The following TNFAIP8 variants were observed in gnomAD, a reference collection of about 807,000 sequenced individuals.
The protein encoded by TNFAIP8 is tumor necrosis factor alpha-induced protein 8.
In TNFAIP8, 7 loss-of-function variants were observed where a neutral mutation model predicts 13.3. The observed-to-expected ratio is 0.52, with a 90% CI of 0.30 to 0.99. The LOEUF (loss-of-function observed/expected upper bound fraction) is 0.99. TNFAIP8 is among the 50% of genes least tolerant of loss of function. The pLI is 0.07. For synonymous variants in TNFAIP8, 94 were observed against 87.6 expected (o/e 1.07, Z -0.41); for missense variants, 258 against 236.9 (o/e 1.09, Z -0.58).
upstream of TNFAIP8, among the ~76,000 whole-genome samples, chr5:119,351,028 GTGTGTGT>G (rs1202767409): frequency 1.1e-4 from 15 of 135,522 alleles, no homozygotes; most frequent in African/African-American, 3.0e-4. Context: ...GTGTGTGTGT[GTGTGTGT>G]AGAGAGAGAG....
intron 1 of TNFAIP8, among the ~76,000 whole-genome samples, chr5:119,367,885 T>C (rs1456693243): frequency 6.6e-6 from 1 of 152,222 alleles, no homozygotes; most frequent in Non-Finnish European, 1.5e-5. Context: ...ATTATATAGA[T>C]TGAAATTTAT....
chr5:119,276,815 A>T (rs1002096213), intron 1 of TNFAIP8, among the ~76,000 whole-genome samples: 1 of 152,180 alleles, frequency 6.6e-6, no homozygotes, highest in Non-Finnish European at 1.5e-5. Context: ...CAGTATATGA[A>T]TTTGGGTGGT....
At chr5:119,299,955 C>T (rs752598282) in intron 1 of TNFAIP8, among the ~76,000 whole-genome samples, 3 of 152,226 alleles carry the variant, frequency 2.0e-5, no homozygotes, top group Admixed American at 6.5e-5. Context: ...TTTTTAGGCC[C>T]GTCGGAAAAG....
At chr5:119,335,096 A>G (rs577357138) in intron 1 of TNFAIP8, among the ~76,000 whole-genome samples, 1 of 152,236 alleles carries the variant, frequency 6.6e-6, no homozygotes, top group South Asian at 2.1e-4. Context: ...AGTGGCGCGT[A>G]GGAGCTTGTC....
intron 1 of TNFAIP8, among the ~76,000 whole-genome samples, chr5:119,350,826 C>CCT (rs373811727): frequency 5.9e-5 from 9 of 152,250 alleles, no homozygotes; most frequent in African/African-American, 2.2e-4. Flanking sequence ...TTTCTCCTTC[C>CCT]CTCATCTCCA....
At chr5:119,274,534 C>G (rs1264184662) in intron 1 of TNFAIP8, among the ~76,000 whole-genome samples, 9 of 152,218 alleles carry the variant, frequency 5.9e-5, no homozygotes, top group Admixed American at 5.9e-4. Flanking sequence ...CTCAGGCCTT[C>G]CCAACATCCG....
exon 1 of TNFAIP8, chr5:119,268,810 C>G: frequency 1.4e-6 from 1 of 698,410 alleles, no homozygotes. Context: ...CTAAGGTCCG[C>G]GGGAACCCGT....
intron 1 of TNFAIP8, among the ~76,000 whole-genome samples, chr5:119,343,894 G>A (rs73790816): frequency 2.6e-4 from 40 of 152,296 alleles, no homozygotes; most frequent in African/African-American, 9.4e-4. Context: ...TTCATCATAA[G>A]GTTTGTCTCA....
intron 1 of TNFAIP8, among the ~76,000 whole-genome samples, chr5:119,347,955 AC>A (rs1215274029): frequency 6.6e-6 from 1 of 152,234 alleles, no homozygotes; most frequent in Non-Finnish European, 1.5e-5. Context: ...TAGATCTCAG[AC>A]CAGGAGTCTG....
At chr5:119,311,931 T>C (rs1252577301) in intron 1 of TNFAIP8, among the ~76,000 whole-genome samples, 1 of 152,156 alleles carries the variant, frequency 6.6e-6, no homozygotes, top group African/African-American at 2.4e-5. Context: ...TAACCAAACC[T>C]AGTTTAACTA....
chr5:119,377,464 A>C (rs928259490), intron 1 of TNFAIP8, among the ~76,000 whole-genome samples: 2 of 152,142 alleles, frequency 1.3e-5, no homozygotes, highest in African/African-American at 4.8e-5. Context: ...TGAATGGGGG[A>C]AAGTTTTTCT....
chr5:119,327,665 G>C (rs963617519), intron 1 of TNFAIP8, among the ~76,000 whole-genome samples: 2 of 152,066 alleles, frequency 1.3e-5, no homozygotes, highest in African/African-American at 4.8e-5. Flanking sequence ...CACCATGTTG[G>C]CCAGGCTGGT....
At chr5:119,373,575 A>C (rs138058227) in intron 1 of TNFAIP8, among the ~76,000 whole-genome samples, 18 of 152,294 alleles carry the variant, frequency 1.2e-4, no homozygotes, top group Non-Finnish European at 2.4e-4. Flanking sequence ...TACATATTAC[A>C]TGGGGGTTAG....
rs1753099466 is a variant in TNFAIP8, at chr5:119,397,333, A to G, written c.*3952A>G. The G allele has an allele frequency of 6.6e-6, 1 of 152,244 alleles. No individual in the cohort carries two copies. The highest frequency in any genetic ancestry group is 1.5e-5 in the Non-Finnish European group (1 of 68,042). The allele number at this position is 152,244 out of a possible 1,614,324, so 9.4% of individuals were successfully genotyped here. A position where few individuals can be genotyped will look rare whatever the true frequency, so the allele number is the denominator to read the frequency against. On this transcript the variant is annotated 3_prime_UTR_variant, in exon 2 of 2. Transcript: ENST00000504771. ...AAAGAATATGTTTATCCAAATGATGAAATATTTGTAGTAAAAAGTGCTATT... is the reference window on the plus strand; with the variant it reads ...AAAGAATATGTTTATCCAAATGATGGAATATTTGTAGTAAAAAGTGCTATT...
rs1011023914 is a variant in TNFAIP8 at position 119,394,095 on chromosome 5, C to T, written c.*714C>T. ...GTGTGTCATTGCCTTGAAATGCTTG[C>T]TTAGGGCTTCTTTTATGTTATCTTA... is the stretch of plus-strand genomic sequence containing the variant. On this transcript the variant is annotated 3_prime_UTR_variant, in exon 2 of 2. Coordinates refer to ENST00000504771, the MANE Select transcript of TNFAIP8 (RefSeq NM_014350.4). 2.0e-5 allele frequency: 3 copies of T among 152,104 alleles called. No individual in the cohort carries two copies. Among genetic ancestry groups the T allele is most frequent in the Non-Finnish European group, 4.4e-5 (3 of 68,018 alleles). 9.4% of individuals were successfully genotyped at this position (152,104 alleles called of 1,614,324 possible). A position where few individuals can be genotyped will look rare whatever the true frequency, so the allele number is the denominator to read the frequency against.
intron 1 of TNFAIP8, chr5:119,333,655 T>C (rs752389148): frequency 6.7e-7 from 1 of 1,486,778 alleles, no homozygotes. Flanking sequence ...GCCTTCAGAA[T>C]ATGTTTAGAT....
At chr5:119,384,601 A>G (rs142751086) in intron 1 of TNFAIP8, among the ~76,000 whole-genome samples, 4 of 152,344 alleles carry the variant, frequency 2.6e-5, no homozygotes, top group Non-Finnish European at 5.9e-5. Flanking sequence ...TGTAATCATT[A>G]TTGCCTAGGG....
intron 1 of TNFAIP8, among the ~76,000 whole-genome samples, chr5:119,324,312 A>G (rs2404399): frequency 0.23 from 28,174 of 122,300 alleles, 3,818 homozygotes; most frequent in East Asian, 0.4. Context: ...AAAAAAAAAA[A>G]AAGAAGAAGT....
chr5:119,277,896 A>G (rs1454690373), intron 1 of TNFAIP8, among the ~76,000 whole-genome samples: 5 of 152,126 alleles, frequency 3.3e-5, no homozygotes, highest in African/African-American at 7.2e-5. Context: ...GCACTGGGGT[A>G]CACCTTTCAA....
Sources: gnomAD v4.1 joint callset for allele counts (sites outside exome capture counted in the v4.1 genomes callset) on GRCh38, gnomAD v4.1.1 for gene constraint, MANE v1.5 for transcripts, NCBI Gene and HGNC (gene_info 2026-07-23, HGNC 2026-07-21) for gene names.